The following PRKN variants were observed in gnomAD, a reference collection of about 807,000 sequenced individuals.
The protein encoded by PRKN is parkin RBR E3 ubiquitin protein ligase.
Under a neutral mutation model 59.5 loss-of-function variants are expected in PRKN, and 56 were observed. The observed-to-expected ratio is 0.94, with a 90% CI of 0.76 to 1.18. The LOEUF is 1.18. PRKN is among the 50% of genes most tolerant of loss of function. The pLI, the probability that PRKN is intolerant of heterozygous loss-of-function variation, is 0.00. For missense variants in PRKN, 657 were observed against 596.4 expected (o/e 1.10, Z -1.06); for synonymous variants, 250 against 222.1 (o/e 1.13, Z -1.12).
chr6:162,306,277 A>G (rs1439133577), intron 2 of PRKN, among the ~76,000 whole-genome samples: 1 of 152,308 alleles, frequency 6.6e-6, no homozygotes, highest in African/African-American at 2.4e-5. Context: ...CTGGTTCACA[A>G]GAAATGATGG....
intron 6 of PRKN, among the ~76,000 whole-genome samples, chr6:161,850,061 A>G (rs528119000): frequency 6.6e-6 from 1 of 152,228 alleles, no homozygotes; most frequent in African/African-American, 2.4e-5. Context: ...TCCTTCCCTC[A>G]TGGTGGGAGC....
Position 161,946,414 on chromosome 6 carries a change from ACTCTCTCTCTCTCTCTCT to A in PRKN, c.734+26870_734+26887del, listed in dbSNP as rs61537965. ...CACACACACACACACACACACACACACTCTCTCTCTCTCTCTCTCTCTCTCTCTCTCTCTCTCAATACA... is the reference window on the plus strand; with the variant it reads ...CACACACACACACACACACACACACACTCTCTCTCTCTCTCTCTCAATACA... On this transcript the variant is annotated intron_variant, in intron 6 of 11. Transcript: ENST00000366898. Among the ~76,000 whole-genome samples, 17 of 114,446 alleles carry A rather than the reference ACTCTCTCTCTCTCTCTCT, an allele frequency of 1.5e-4. No homozygotes were observed. The South Asian group carries it at 5.0e-3, about 34-fold the overall frequency. The allele number at this position is 114,446 out of a possible 152,430, so 75.1% of individuals were successfully genotyped here.
chr6:162,343,104 CTAAA>C (rs1469084007), intron 2 of PRKN, among the ~76,000 whole-genome samples: 1 of 152,036 alleles, frequency 6.6e-6, no homozygotes, highest in African/African-American at 2.4e-5. Context: ...GTCTGCAATG[CTAAA>C]TAAATATTTC....
chr6:162,417,560 C>T (rs556324084), intron 2 of PRKN, among the ~76,000 whole-genome samples: 1 of 152,264 alleles, frequency 6.6e-6, no homozygotes, highest in African/African-American at 2.4e-5. Context: ...GAGTGACCTG[C>T]TTTAATGAGC....
chr6:162,514,859 T>G (rs1004189526), intron 1 of PRKN, among the ~76,000 whole-genome samples: 1 of 152,210 alleles, frequency 6.6e-6, no homozygotes, highest in Non-Finnish European at 1.5e-5. Flanking sequence ...ACTATAATTT[T>G]TCTTTAATTA....
intron 9 of PRKN, among the ~76,000 whole-genome samples, chr6:161,522,397 C>T (rs1778863175): frequency 6.6e-6 from 1 of 152,120 alleles, no homozygotes; most frequent in Non-Finnish European, 1.5e-5. Flanking sequence ...CACAACTTGC[C>T]CCCCAACATC....
At chr6:162,237,147 C>T (rs907845674) in intron 3 of PRKN, among the ~76,000 whole-genome samples, 7 of 152,030 alleles carry the variant, frequency 4.6e-5, no homozygotes, top group African/African-American at 1.2e-4. Flanking sequence ...ATGCTTTTTA[C>T]GAGGTTAGAA....
chr6:162,387,390 T>C (rs138999401), intron 2 of PRKN, among the ~76,000 whole-genome samples: 1 of 152,230 alleles, frequency 6.6e-6, no homozygotes, highest in East Asian at 1.9e-4. Flanking sequence ...TCTAATCTTA[T>C]TGTGAGAAGG....
Position 161,461,222 on chromosome 6 carries a change from C to G in PRKN, c.1084-74345G>C, listed in dbSNP as rs1790200406. Among the ~76,000 whole-genome samples the G allele has an allele frequency of 6.6e-6, 1 of 152,130 alleles. No homozygotes were observed. The highest frequency in any genetic ancestry group is 1.5e-5 in the Non-Finnish European group (1 of 68,036). ...AGGAAGCAGCGGCCTGTGCAAAGGTCTGGAGGTCTGAAAAGTACTCAGTGA... is the reference window on the plus strand; with the variant it reads ...AGGAAGCAGCGGCCTGTGCAAAGGTGTGGAGGTCTGAAAAGTACTCAGTGA... On this transcript the variant is annotated intron_variant, in intron 9 of 11. Coordinates refer to ENST00000366898, the MANE Select transcript of PRKN (RefSeq NM_004562.3). The surrounding 1 kb of genome is among the most constrained non-coding windows in gnomAD (Gnocchi z 5.1).
rs1781008888 is a variant in PRKN, at chr6:162,123,607, G to C, written c.535-69433C>G. On this transcript the variant is annotated intron_variant, in intron 4 of 11. Coordinates refer to ENST00000366898, the MANE Select transcript of PRKN (RefSeq NM_004562.3). The stretch of plus-strand genomic sequence containing the variant: ...AGAGAAATTAACATCTTTTAGACAA[G>C]GATAGTATGATGGTTGGAAATTGTG... Among the ~76,000 whole-genome samples the C allele has an allele frequency of 2.6e-5, 4 of 152,186 alleles. No homozygotes were observed. In the South Asian group the frequency reaches 8.3e-4, roughly 32 times the overall value.
rs1356109598 is a variant in PRKN at position 161,390,688 on chromosome 6, C to T, written c.1084-3811G>A. Among the ~76,000 whole-genome samples the T allele has an allele frequency of 6.6e-6, 1 of 152,042 alleles. No homozygotes were observed. Among genetic ancestry groups the T allele is most frequent in the Admixed American group, 6.5e-5 (1 of 15,268 alleles). ...ATTTTTAGTAAAGACGGGATTTCACCATGTTGGTCAGGCTGGTCTTGAACT... is the reference window on the plus strand; with the variant it reads ...ATTTTTAGTAAAGACGGGATTTCACTATGTTGGTCAGGCTGGTCTTGAACT... On this transcript the variant is annotated intron_variant, in intron 9 of 11. Transcript: ENST00000366898. The surrounding 1 kb of genome is among the most constrained non-coding windows in gnomAD (Gnocchi z 7.0).
chr6:162,130,563 C>A (rs2156261), intron 4 of PRKN, among the ~76,000 whole-genome samples: 9,593 of 152,174 alleles, frequency 0.063, 338 homozygotes, highest in African/African-American at 0.091. Context: ...TGCCCAGGAA[C>A]AACCAGTTGA....
At chr6:161,931,752 T>C (rs954273392) in intron 6 of PRKN, among the ~76,000 whole-genome samples, 7 of 152,190 alleles carry the variant, frequency 4.6e-5, no homozygotes, top group African/African-American at 1.7e-4. Flanking sequence ...ATTATAAGTA[T>C]TGATGATGAA....
At chr6:162,245,001 A>G (rs940740163) in intron 3 of PRKN, among the ~76,000 whole-genome samples, 9 of 152,108 alleles carry the variant, frequency 5.9e-5, no homozygotes, top group Non-Finnish European at 8.8e-5. Context: ...TATTCTCTTG[A>G]GCGTAAAATA....
intron 3 of PRKN, 113 bp downstream of exon 3, chr6:162,262,412 C>G: frequency 1.5e-6 from 2 of 1,306,450 alleles, no homozygotes; most frequent in Non-Finnish European, 1.1e-6. Flanking sequence ...ATTAGAGACT[C>G]CAATCCAAAA....
chr6:161,675,076 A>C (rs971361634), intron 7 of PRKN, among the ~76,000 whole-genome samples: 1 of 152,220 alleles, frequency 6.6e-6, no homozygotes, highest in African/African-American at 2.4e-5. Context: ...TTCTCCAGGC[A>C]TTCTTTTCCC....
chr6:161,364,639 C>T (rs1287887495), intron 10 of PRKN, among the ~76,000 whole-genome samples: 2 of 151,650 alleles, frequency 1.3e-5, no homozygotes, highest in Non-Finnish European at 2.9e-5. Flanking sequence ...GCTTAATTTG[C>T]TGGTTAAAAA....
chr6:162,272,519 C>A (rs1780440160), intron 2 of PRKN, among the ~76,000 whole-genome samples: 1 of 152,058 alleles, frequency 6.6e-6, no homozygotes, highest in African/African-American at 2.4e-5. Context: ...ACAACACACG[C>A]TCTTGATGAA....
chr6:161,959,351 C>T (rs1483227122), intron 6 of PRKN, among the ~76,000 whole-genome samples: 1 of 152,054 alleles, frequency 6.6e-6, no homozygotes, highest in African/African-American at 2.4e-5. Context: ...GCCTCGGTTC[C>T]GACGGATAAG....
Sources: allele counts gnomAD v4.1 joint callset (sites outside exome capture counted in the v4.1 genomes callset), GRCh38; gene constraint gnomAD v4.1.1; non-coding constraint Gnocchi (gnomAD v3.1); transcripts MANE v1.5; gene names NCBI Gene and HGNC (gene_info 2026-07-23, HGNC 2026-07-21).